Variants in NOSTRIN observed in about 807,000 individuals in gnomAD.
NOSTRIN encodes nitric oxide synthase trafficking.
A neutral mutation model predicts 59.0 loss-of-function variants in NOSTRIN; 63 were observed. The ratio of observed to expected loss-of-function variants is 1.07; its 90% CI spans 0.87 to 1.32. NOSTRIN has a LOEUF of 1.32. NOSTRIN is among the 40% of genes most tolerant of loss of function. NOSTRIN has a pLI of 0.00. For missense variants in NOSTRIN, 512 were observed against 473.1 expected, an observed-to-expected ratio of 1.08 and a Z score of -0.76; for synonymous variants, 200 against 165.4, an observed-to-expected ratio of 1.21 and a Z score of -1.61.
intron 8 of NOSTRIN, among the ~76,000 whole-genome samples, chr2:168,846,646 A>G (rs1688444134): frequency 6.6e-6 from 1 of 152,230 alleles, no homozygotes; most frequent in Non-Finnish European, 1.5e-5. Context: ...TTTTCACAAT[A>G]ATAACCATAC....
chr2:168,839,921 ATG>A (rs112687215), intron 7 of NOSTRIN, among the ~76,000 whole-genome samples: 1,084 of 78,484 alleles, frequency 0.014, 23 homozygotes, highest in African/African-American at 0.052. Context: ...ATATATATAT[ATG>A]TGTGTGTGTG....
chr2:168,802,537 CG>C, upstream of NOSTRIN: 1 of 775,380 alleles, frequency 1.3e-6, no homozygotes, highest in Non-Finnish European at 2.3e-6. Context: ...CAAGGACTGA[CG>C]TACTCTAGGC....
chr2:168,848,700 T>C (rs1688571483), intron 8 of NOSTRIN, among the ~76,000 whole-genome samples: 1 of 152,314 alleles, frequency 6.6e-6, no homozygotes, highest in Non-Finnish European at 1.5e-5. Context: ...GAACAAGTAG[T>C]GTATGATTCC....
At chr2:168,863,556 T>G in intron 15 of NOSTRIN, 1 of 985,350 alleles carries the variant, frequency 1.0e-6, no homozygotes, top group Non-Finnish European at 1.2e-6. Flanking sequence ...TTCTCTTTAT[T>G]TGAATCATTG....
At chr2:168,820,669 G>A (rs1363235125) in intron 2 of NOSTRIN, among the ~76,000 whole-genome samples, 1 of 146,662 alleles carries the variant, frequency 6.8e-6, no homozygotes, top group East Asian at 2.0e-4. Flanking sequence ...TTCCTACCAT[G>A]CTCAAGAGAA....
chr2:168,856,846 C>T, intron 12 of NOSTRIN, 68 bp downstream of exon 12: 3 of 1,465,314 alleles, frequency 2.0e-6, no homozygotes, highest in Non-Finnish European at 9.5e-7. Context: ...ATACTTGTTT[C>T]TGGTCCACTT....
Position 168,862,066 on chromosome 2 carries a change from A to C in NOSTRIN, c.1384+17A>C. ...TGGAAAAGGGTAAGAATCATTCTCA[A>C]ATATTTTAATTGCCTTCCCATATTG... On this transcript the variant is annotated intron_variant, in intron 15 of 15. Transcript: ENST00000317647. The C allele has an allele frequency of 3.1e-6, 5 of 1,604,620 alleles. No homozygotes were observed. In the South Asian group the frequency reaches 5.5e-5, roughly 18 times the overall value.
At chr2:168,795,838 C>A (rs1685464665), upstream of NOSTRIN, among the ~76,000 whole-genome samples, 1 of 152,172 alleles carries the variant, frequency 6.6e-6, no homozygotes, top group Admixed American at 6.5e-5. Flanking sequence ...TTAACAATAA[C>A]AGCATTAGTG....
chr2:168,844,950 A>G lies in NOSTRIN; in HGVS notation c.630+1833A>G, dbSNP rs150149198. On this transcript the variant is annotated intron_variant, in intron 8 of 15. Coordinates refer to ENST00000317647, the MANE Select transcript of NOSTRIN (RefSeq NM_001039724.4). ...ATTGAAAACTGGGAGAGCAAAGGCT[A>G]TATGGCAGGCGGAAACCCAACGGCT... Among the ~76,000 whole-genome samples, 664 of 152,226 alleles carry G rather than the reference A, an allele frequency of 4.4e-3. 7 individuals carry two copies. The highest frequency in any genetic ancestry group is 0.015 in the African/African-American group (607 of 41,532).
At chr2:168,857,112 C>A (rs1033816806) in intron 12 of NOSTRIN, among the ~76,000 whole-genome samples, 19 of 152,186 alleles carry the variant, frequency 1.2e-4, no homozygotes, top group Middle Eastern at 6.3e-3. Context: ...TTCAGAAAGG[C>A]CTGTATTTAG....
intron 2 of NOSTRIN, among the ~76,000 whole-genome samples, chr2:168,789,153 C>A (rs893154973): frequency 6.6e-6 from 1 of 152,158 alleles, no homozygotes; most frequent in Admixed American, 6.5e-5. Flanking sequence ...GGCCAGAAAG[C>A]AAAGTAGTAC....
At chr2:168,837,494 A>G (rs567175846) in intron 7 of NOSTRIN, among the ~76,000 whole-genome samples, 8 of 151,828 alleles carry the variant, frequency 5.3e-5, no homozygotes, top group Non-Finnish European at 1.0e-4. Context: ...ATTTTTTAGT[A>G]GAGATGGGAT....
chr2:168,835,355 A>T (rs1687659573), intron 7 of NOSTRIN, among the ~76,000 whole-genome samples: 1 of 152,204 alleles, frequency 6.6e-6, no homozygotes, highest in Non-Finnish European at 1.5e-5. Flanking sequence ...CTGGGATTAT[A>T]GGCATGAGCC....
intron 1 of NOSTRIN, among the ~76,000 whole-genome samples, chr2:168,803,437 A>T (rs1685692854): frequency 6.6e-6 from 1 of 152,208 alleles, no homozygotes; most frequent in South Asian, 2.1e-4. Flanking sequence ...CATAAGCAGG[A>T]GGTTGCAGTC....
At chr2:168,834,197 T>C (rs766526101) in intron 6 of NOSTRIN, 30 bp from the exon 7 acceptor site, 3 of 863,574 alleles carry the variant, frequency 3.5e-6, no homozygotes, top group Non-Finnish European at 6.0e-6. Context: ...TCTGCTCCTT[T>C]TTTTCTTGTT....
In NOSTRIN at chr2:168,864,860, AAAG is replaced by A; in HGVS notation, c.1415_1417del (p.Glu472del). 1 of 1,614,028 alleles carries A rather than the reference AAAG, an allele frequency of 6.2e-7. No individual in the cohort carries two copies. Among genetic ancestry groups the A allele is most frequent in the Non-Finnish European group, 8.5e-7 (1 of 1,179,952 alleles). On this transcript the variant is annotated inframe_deletion, in exon 16 of 16. Transcript: ENST00000317647. ...TGACATTGTGATTATACACGAGAAAAAAGAAGGAGGATGGTGGTTTGGATCTTT... is the reference window on the plus strand; with the variant it reads ...TGACATTGTGATTATACACGAGAAAAAAGGAGGATGGTGGTTTGGATCTTT...
intron 8 of NOSTRIN, 164 bp from the exon 9 acceptor site, chr2:168,850,920 T>A (rs938799427): frequency 2.5e-6 from 2 of 800,448 alleles, no homozygotes; most frequent in Admixed American, 4.0e-5. Context: ...CCAAGACACA[T>A]TCCTTCCTGG....
intron 2 of NOSTRIN, among the ~76,000 whole-genome samples, chr2:168,823,400 TGCAGGCTG>T (rs1686869265): frequency 6.6e-6 from 1 of 152,232 alleles, no homozygotes; most frequent in African/African-American, 2.4e-5. Flanking sequence ...CTCACAGTTC[TGCAGGCTG>T]GCAGTCAGAG....
intron 7 of NOSTRIN, among the ~76,000 whole-genome samples, chr2:168,834,737 G>A (rs1350205636): frequency 6.6e-6 from 1 of 151,656 alleles, no homozygotes; most frequent in Non-Finnish European, 1.5e-5. Context: ...TGACAAATGA[G>A]ACCAATGATG....
Sources: gnomAD v4.1 joint callset for allele counts (sites outside exome capture counted in the v4.1 genomes callset) on GRCh38, gnomAD v4.1.1 for gene constraint, MANE v1.5 for transcripts, NCBI Gene and HGNC (gene_info 2026-07-23, HGNC 2026-07-21) for gene names.